The following DHDDS variants were observed in gnomAD, a reference collection of about 807,000 sequenced individuals.
DHDDS encodes dehydrodolichyl diphosphate synthase complex subunit DHDDS.
DHDDS carries 16 observed loss-of-function variants against 46.2 expected under a neutral mutation model. The observed-to-expected ratio is 0.35, with a 90% CI of 0.23 to 0.53. The LOEUF (loss-of-function observed/expected upper bound fraction) is 0.53. Among genes scored for constraint, DHDDS ranks in the 20% least tolerant of loss-of-function variants. DHDDS has a pLI of 0.94. For synonymous variants in DHDDS, 151 were observed against 163.1 expected (o/e 0.93, Z 0.56); for missense variants, 340 against 423.7 (o/e 0.80, Z 1.73).
rs1271715523 is a variant in DHDDS, at chr1:26,469,054, C to T, written c.925C>T (p.Arg309Ter). Reference protein sequence around the residue: ...LHKLSARREERVQGFLQALEL... With the variant: ...LHKLSARREE ...CAAACTCTCGGCCAGACGGGAAGAG[C>T]GAGTCCAAGGCTTCCTGCAGGCCTT... is the stretch of plus-strand genomic sequence containing the variant. The change falls in exon 9 of 9, where the codon CGA becomes TGA. Residue 309 changes from arginine (R) to a stop codon, truncating the protein, a stop_gained. Transcript: ENST00000236342. LOFTEE classifies it high-confidence loss of function. 3 of 1,613,722 alleles carry T rather than the reference C, an allele frequency of 1.9e-6. No homozygotes were observed. Among genetic ancestry groups the T allele is most frequent in the Non-Finnish European group, 1.7e-6 (2 of 1,180,048 alleles).
In DHDDS at chr1:26,469,508, C is replaced by G. The variant is rs1469421950; in HGVS notation, c.*377C>G. The G allele has an allele frequency of 9.5e-6, 3 of 316,688 alleles. No individual in the cohort carries two copies. The highest frequency in any genetic ancestry group is 1.8e-5 in the Non-Finnish European group (3 of 162,480). 19.6% of individuals were successfully genotyped at this position (316,688 alleles called of 1,614,324 possible). A position where few individuals can be genotyped will look rare whatever the true frequency, so the allele number is the denominator to read the frequency against. The stretch of plus-strand genomic sequence containing the variant: ...CTCCCCAAAACCCTAGCTCTTTACC[C>G]TTCCATTTTAGCCTTCCACCCAGCT... On this transcript the variant is annotated 3_prime_UTR_variant, in exon 9 of 9. Transcript: ENST00000236342.
chr1:26,456,460 T>C (rs902065815), intron 6 of DHDDS, among the ~76,000 whole-genome samples: 4 of 152,202 alleles, frequency 2.6e-5, no homozygotes, highest in African/African-American at 9.6e-5. Context: ...TGGCATAATC[T>C]GGGCTTACTG....
rs908805039 is a variant in DHDDS at position 26,443,064 on chromosome 1, AAAG to A, written c.323+192_323+194del. On this transcript the variant is annotated intron_variant, in intron 4 of 8. Coordinates refer to ENST00000236342, the MANE Select transcript of DHDDS (RefSeq NM_205861.3). ...TCTTTATTTCTAACTTTTTAATAAA[AAAG>A]GGGGCATTTATTTGAGGATATTGAG... 21 of 980,834 alleles carry A rather than the reference AAAG, an allele frequency of 2.1e-5. No homozygotes were observed. The Admixed American group carries it at 6.4e-4, about 30-fold the overall frequency. 60.8% of individuals were successfully genotyped at this position (980,834 alleles called of 1,614,324 possible). A position where few individuals can be genotyped will look rare whatever the true frequency, so the allele number is the denominator to read the frequency against.
chr1:26,451,396 G>A (rs2075317410), intron 6 of DHDDS, among the ~76,000 whole-genome samples: 1 of 146,548 alleles, frequency 6.8e-6, no homozygotes, highest in Admixed American at 7.0e-5. Context: ...TCCAGGGTAT[G>A]TATGTAGATG....
intron 6 of DHDDS, among the ~76,000 whole-genome samples, chr1:26,450,557 G>C (rs1352826180): frequency 1.3e-5 from 2 of 152,142 alleles, no homozygotes; most frequent in Non-Finnish European, 2.9e-5. Context: ...CAAAAACACA[G>C]AAAAGCAGGA....
chr1:26,468,733 C>A (rs1394929845), intron 8 of DHDDS, among the ~76,000 whole-genome samples, 162 bp from the exon 9 acceptor site: 1 of 152,204 alleles, frequency 6.6e-6, no homozygotes, highest in East Asian at 1.9e-4. Context: ...TGAGCACCAC[C>A]CACTGCATAC....
intron 8 of DHDDS, among the ~76,000 whole-genome samples, chr1:26,464,513 C>T (rs1445546064): frequency 6.6e-6 from 1 of 151,776 alleles, no homozygotes; most frequent in Non-Finnish European, 1.5e-5. Flanking sequence ...GAGGTCCTGG[C>T]CAGGCTTTCT....
At position 26,469,804 on chromosome 1, in the gene DHDDS, A is replaced by C. The variant is rs2075534828; in HGVS notation, c.*673A>C. 1 of 156,526 alleles carries C rather than the reference A, an allele frequency of 6.4e-6. No individual in the cohort carries two copies. Among genetic ancestry groups the C allele is most frequent in the African/African-American group, 2.4e-5 (1 of 41,456 alleles). 9.7% of individuals were successfully genotyped at this position (156,526 alleles called of 1,614,324 possible). A position where few individuals can be genotyped will look rare whatever the true frequency, so the allele number is the denominator to read the frequency against. Reference sequence around the variant, plus strand: ...CAATTACCTATTGTCGACTCAGCCCACACAAGCTTTTCTCCTCCTCTTGCA... The same window carrying C: ...CAATTACCTATTGTCGACTCAGCCCCCACAAGCTTTTCTCCTCCTCTTGCA... On this transcript the variant is annotated 3_prime_UTR_variant, in exon 9 of 9. Coordinates refer to ENST00000236342, the MANE Select transcript of DHDDS (RefSeq NM_205861.3).
At chr1:26,442,584 C>A in intron 3 of DHDDS, 147 bp from the exon 4 acceptor site, 1 of 915,214 alleles carries the variant, frequency 1.1e-6, no homozygotes, top group Non-Finnish European at 1.8e-6. Context: ...CTGACATAAA[C>A]ACTGATGTTA....
At chr1:26,440,895 A>C (rs1219931420) in intron 3 of DHDDS, among the ~76,000 whole-genome samples, 1 of 150,846 alleles carries the variant, frequency 6.6e-6, no homozygotes, top group East Asian at 1.9e-4. Context: ...GTGGTACAGG[A>C]TTAGAGCAGC....
At chr1:26,454,199 C>T (rs1438519363) in intron 6 of DHDDS, among the ~76,000 whole-genome samples, 3 of 152,096 alleles carry the variant, frequency 2.0e-5, no homozygotes, top group African/African-American at 7.2e-5. Context: ...ATGATCTGCC[C>T]GCCTCGGCCT....
chr1:26,471,184 G>A lies in DHDDS; in HGVS notation c.*2053G>A, dbSNP rs2075554616. ...AAGCCAGGTTCAACCCTTGCCTCAA[G>A]AAATCAGATGGGACCAATTTAGTGT... On this transcript the variant is annotated 3_prime_UTR_variant, in exon 9 of 9. Coordinates refer to ENST00000236342, the MANE Select transcript of DHDDS (RefSeq NM_205861.3). The A allele has an allele frequency of 6.6e-6, 1 of 152,202 alleles. No homozygotes were observed. Among genetic ancestry groups the A allele is most frequent in the East Asian group, 1.9e-4 (1 of 5,204 alleles). 9.4% of individuals were successfully genotyped at this position (152,202 alleles called of 1,614,324 possible).
At chr1:26,444,060 A>T (rs2075243941) in intron 4 of DHDDS, among the ~76,000 whole-genome samples, 1 of 152,202 alleles carries the variant, frequency 6.6e-6, no homozygotes, top group Admixed American at 6.5e-5. Context: ...TCCAGAGCTG[A>T]GCTATCATCT....
chr1:26,444,889 C>T (rs905901395), intron 4 of DHDDS, among the ~76,000 whole-genome samples: 2 of 152,254 alleles, frequency 1.3e-5, no homozygotes, highest in African/African-American at 4.8e-5. Context: ...TTCTAGTATA[C>T]TGCCTTCAAT....
chr1:26,468,636 A>G (rs2075517313), intron 8 of DHDDS, among the ~76,000 whole-genome samples: 1 of 152,186 alleles, frequency 6.6e-6, no homozygotes, highest in Non-Finnish European at 1.5e-5. Flanking sequence ...TTCCAAGAGC[A>G]TGAGAAAAAC....
At chr1:26,438,127 G>A (rs746644922) in intron 2 of DHDDS, 41 bp from the exon 3 acceptor site, 1 of 1,603,326 alleles carries the variant, frequency 6.2e-7, no homozygotes, top group Non-Finnish European at 8.5e-7. Flanking sequence ...TATCCCTGAA[G>A]AATATGAGAC....
chr1:26,455,988 A>T (rs922106450), intron 6 of DHDDS, among the ~76,000 whole-genome samples: 1 of 152,192 alleles, frequency 6.6e-6, no homozygotes, highest in African/African-American at 2.4e-5. Context: ...AACAGACACC[A>T]GCCATGCAAA....
At chr1:26,441,026 G>A (rs1456676699) in intron 3 of DHDDS, among the ~76,000 whole-genome samples, 3 of 151,858 alleles carry the variant, frequency 2.0e-5, no homozygotes, top group Non-Finnish European at 4.4e-5. Context: ...CCAGGTTCAA[G>A]CGATTCTCCT....
At chr1:26,439,819 GAATATGAC>G (rs2075200125) in intron 3 of DHDDS, among the ~76,000 whole-genome samples, 1 of 152,184 alleles carries the variant, frequency 6.6e-6, no homozygotes. Flanking sequence ...CAAAAGAATG[GAATATGAC>G]AATCTTGGTG....
Sources: allele counts gnomAD v4.1 joint callset (sites outside exome capture counted in the v4.1 genomes callset), GRCh38; gene constraint gnomAD v4.1.1; transcripts MANE v1.5; gene names NCBI Gene and HGNC (gene_info 2026-07-23, HGNC 2026-07-21).